FAAH2: variants seen among roughly 807,000 people sequenced by gnomAD.
FAAH2 encodes fatty acid amide hydrolase 2, also known as fatty-acid amide hydrolase 2.
A neutral mutation model predicts 36.9 loss-of-function variants in FAAH2; 60 were observed. The observed-to-expected ratio is 1.63, with a 90% CI of 1.32 to 2.02. FAAH2 has a LOEUF of 2.02. Among genes scored for constraint, FAAH2 ranks in the 30% most tolerant of loss-of-function variants. FAAH2 has a pLI of 0.00. For missense variants in FAAH2, 689 were observed against 397.5 expected (o/e 1.73, Z -6.23); for synonymous variants, 214 against 143.8 (o/e 1.49, Z -3.49).
At chrX:57,377,801 G>A (rs1381148459) in intron 5 of FAAH2, among the ~76,000 whole-genome samples, 1 of 112,076 alleles carries the variant, frequency 8.9e-6, no homozygotes, top group Non-Finnish European at 1.9e-5. Flanking sequence ...CCACTTGTTT[G>A]TGTCCTCTCT....
intron 7 of FAAH2, among the ~76,000 whole-genome samples, chrX:57,412,684 A>ATG (rs924552271): frequency 8.0e-5 from 9 of 111,848 alleles, no homozygotes; most frequent in East Asian, 2.8e-4. Flanking sequence ...CAATAAACAT[A>ATG]TGTGTGTGTG....
the FAAH2 span, among the ~76,000 whole-genome samples, chrX:57,178,861 G>A: frequency 1.8e-5 from 2 of 111,645 alleles, no homozygotes; most frequent in African/African-American, 6.5e-5. Context: ...ACTGCCCCAG[G>A]CCATAAGCTT....
chrX:57,471,715 C>CT (rs1194536978), intron 10 of FAAH2, among the ~76,000 whole-genome samples: 6 of 111,753 alleles, frequency 5.4e-5, no homozygotes, highest in African/African-American at 1.6e-4. Flanking sequence ...CTACAAATGA[C>CT]TTTCTTCACA....
chrX:57,460,282 C>T (rs1211075098), intron 10 of FAAH2, among the ~76,000 whole-genome samples: 1 of 111,402 alleles, frequency 9.0e-6, no homozygotes. Flanking sequence ...GACACACGAA[C>T]ATTCAAATTC....
chrX:57,353,507 AAAG>A (rs1191069188), intron 5 of FAAH2, among the ~76,000 whole-genome samples: 3 of 108,828 alleles, frequency 2.8e-5, no homozygotes, highest in African/African-American at 9.9e-5. Context: ...AAAAGAAAAA[AAAG>A]AAAACCAAGG....
At chrX:57,324,860 T>G (rs913973446) in intron 3 of FAAH2, among the ~76,000 whole-genome samples, 20 of 111,882 alleles carry the variant, frequency 1.8e-4, no homozygotes, top group African/African-American at 4.9e-4. Context: ...GCCCTGGCCA[T>G]AACTTCCAAC....
chrX:57,204,101 G>A, the FAAH2 span, among the ~76,000 whole-genome samples: 1 of 111,008 alleles, frequency 9.0e-6, no homozygotes, highest in Non-Finnish European at 1.9e-5. Flanking sequence ...CATCTCCTTA[G>A]GGGACAAATC....
At chrX:57,465,233 A>T (rs2057028853) in intron 10 of FAAH2, among the ~76,000 whole-genome samples, 1 of 111,705 alleles carries the variant, frequency 9.0e-6, no homozygotes, top group South Asian at 3.7e-4. Context: ...AAAGAATAAA[A>T]ATAAACAGTC....
At chrX:57,295,743 G>A (rs771281750) in intron 2 of FAAH2, among the ~76,000 whole-genome samples, 7 of 111,904 alleles carry the variant, frequency 6.3e-5, no homozygotes, top group Admixed American at 2.8e-4. Context: ...CTGGAAAATC[G>A]GGTCACTCCC....
At chrX:57,206,538 G>A in the FAAH2 span, among the ~76,000 whole-genome samples, 1 of 112,210 alleles carries the variant, frequency 8.9e-6, no homozygotes, top group Non-Finnish European at 1.9e-5. Flanking sequence ...TTTAAGAGTA[G>A]GTTCAATTGC....
At chrX:57,290,359 A>G in intron 1 of FAAH2, 5 of 626,240 alleles carry the variant, frequency 8.0e-6, no homozygotes, top group Non-Finnish European at 9.6e-6. Flanking sequence ...TATACACTAG[A>G]CTATTGAGTT....
At chrX:57,192,713 C>A in the FAAH2 span, among the ~76,000 whole-genome samples, 16 of 111,801 alleles carry the variant, frequency 1.4e-4, no homozygotes, top group African/African-American at 5.2e-4. Flanking sequence ...GGCAGAAGCA[C>A]GTGGATTGTG....
the FAAH2 span, chrX:57,134,380 G>GGTC: frequency 9.0e-6 from 1 of 111,428 alleles, no homozygotes; most frequent in African/African-American, 3.3e-5. Flanking sequence ...GCCTGTGAGG[G>GGTC]GTCTGCAGAC....
intron 2 of FAAH2, among the ~76,000 whole-genome samples, chrX:57,307,001 A>ATG (rs1189246993): frequency 0.015 from 817 of 56,075 alleles, 62 homozygotes; most frequent in African/African-American, 0.038. Context: ...ACAGATACAT[A>ATG]TATATATATA....
chrX:57,448,794 C>A lies in FAAH2; in HGVS notation c.1423+76C>A, dbSNP rs1426049982. 15 of 1,032,350 alleles carry A rather than the reference C, an allele frequency of 1.5e-5. No individual in the cohort carries two copies. In the South Asian group the frequency reaches 2.5e-4, roughly 17 times the overall value. The allele number at this position is 1,032,350 out of a possible 1,213,427, so 85.1% of individuals were successfully genotyped here. A position where few individuals can be genotyped will look rare whatever the true frequency, so the allele number is the denominator to read the frequency against. On this transcript the variant is annotated intron_variant, in intron 10 of 10. Transcript: ENST00000374900. Reference sequence around the variant, plus strand: ...ATGTTTCCAAGGAAAGCATAATTTTCTTTTGCAGTTGGACAAGTTTTAAAC... The same window carrying A: ...ATGTTTCCAAGGAAAGCATAATTTTATTTTGCAGTTGGACAAGTTTTAAAC...
the FAAH2 span, among the ~76,000 whole-genome samples, chrX:57,234,291 G>C: frequency 8.1e-5 from 9 of 111,235 alleles, no homozygotes; most frequent in African/African-American, 2.9e-4. Flanking sequence ...CTCCATTGCT[G>C]TTCCTACTTT....
intron 3 of FAAH2, among the ~76,000 whole-genome samples, chrX:57,328,665 G>T (rs891881581): frequency 9.0e-6 from 1 of 111,720 alleles, no homozygotes; most frequent in African/African-American, 3.3e-5. Context: ...TTCTTGTGCT[G>T]GTTCTTTCTT....
At chrX:57,409,498 A>G (rs1824674293) in intron 7 of FAAH2, among the ~76,000 whole-genome samples, 3 of 111,361 alleles carry the variant, frequency 2.7e-5, no homozygotes, top group African/African-American at 9.8e-5. Flanking sequence ...GGTAAAATTC[A>G]CTAGTGAAAC....
the FAAH2 span, among the ~76,000 whole-genome samples, chrX:57,257,548 T>G: frequency 9.7e-6 from 1 of 103,133 alleles, no homozygotes; most frequent in Non-Finnish European, 2.0e-5. Flanking sequence ...TGTCGGGGGG[T>G]GGGGGTCTAG....
Sources: gnomAD v4.1 joint callset for allele counts (sites outside exome capture counted in the v4.1 genomes callset) on GRCh38, gnomAD v4.1.1 for gene constraint, MANE v1.5 for transcripts, NCBI Gene and HGNC (gene_info 2026-07-23, HGNC 2026-07-21) for gene names.